Variants in WDFY4 observed in about 807,000 individuals in gnomAD.
WDFY4 encodes WD repeat- and FYVE domain-containing protein 4.
WDFY4 carries 169 observed loss-of-function variants against 351.9 expected under a neutral mutation model. The ratio of observed to expected loss-of-function variants is 0.48; its 90% confidence interval spans 0.42 to 0.55. The LOEUF (loss-of-function observed/expected upper bound fraction) is 0.55. WDFY4 is among the 20% of genes least tolerant of loss of function. The pLI is 0.00. For missense variants in WDFY4, 3,803 were observed against 3,935.6 expected (o/e 0.97, Z 0.90); for synonymous variants, 1,622 against 1,574.6 (o/e 1.03, Z -0.71).
intron 39 of WDFY4, among the ~76,000 whole-genome samples, chr10:48,834,574 T>C (rs1475461341): frequency 6.6e-6 from 1 of 152,176 alleles, no homozygotes; most frequent in African/African-American, 2.4e-5. Context: ...CTTGGAGCAT[T>C]CCCACTTGTG....
intron 24 of WDFY4, among the ~76,000 whole-genome samples, chr10:48,796,855 G>A (rs1476787653): frequency 2.0e-5 from 3 of 152,188 alleles, no homozygotes; most frequent in Admixed American, 6.5e-5. Context: ...CTTGAAAGGG[G>A]TGAGTTAAGG....
At chr10:48,744,343 C>T (rs1034279752) in intron 12 of WDFY4, among the ~76,000 whole-genome samples, 1 of 152,182 alleles carries the variant, frequency 6.6e-6, no homozygotes, top group Non-Finnish European at 1.5e-5. Flanking sequence ...TGCCAGACTT[C>T]AGTGTTGGGG....
At chr10:48,819,717 T>A (rs2067748636) in intron 32 of WDFY4, among the ~76,000 whole-genome samples, 1 of 152,196 alleles carries the variant, frequency 6.6e-6, no homozygotes, top group Non-Finnish European at 1.5e-5. Flanking sequence ...GGAGTCCCAC[T>A]TCTCCACCGT....
chr10:48,811,989 A>AG (rs1358547532), intron 30 of WDFY4, among the ~76,000 whole-genome samples: 1 of 152,050 alleles, frequency 6.6e-6, no homozygotes, highest in Non-Finnish European at 1.5e-5. Flanking sequence ...GGGCACAGCT[A>AG]GGGGAATGAC....
chr10:48,761,535 T>C (rs2065506002), intron 13 of WDFY4, among the ~76,000 whole-genome samples: 1 of 152,132 alleles, frequency 6.6e-6, no homozygotes, highest in Non-Finnish European at 1.5e-5. Flanking sequence ...TCACAGGCTT[T>C]CAGGAAGAGG....
chr10:48,726,781 G>T (rs1239648320), intron 6 of WDFY4, among the ~76,000 whole-genome samples: 1 of 152,228 alleles, frequency 6.6e-6, no homozygotes, highest in Non-Finnish European at 1.5e-5. Context: ...GCTCTCATAG[G>T]TACTTTCTCT....
intron 12 of WDFY4, among the ~76,000 whole-genome samples, chr10:48,754,336 G>T: frequency 6.6e-6 from 1 of 151,192 alleles, no homozygotes; most frequent in East Asian, 1.9e-4. Context: ...CCTACTTCAG[G>T]GCTTTTGCAA....
chr10:48,871,890 TC>T (rs1368765860), intron 40 of WDFY4, among the ~76,000 whole-genome samples: 17 of 152,370 alleles, frequency 1.1e-4, no homozygotes, highest in Admixed American at 1.0e-3. Flanking sequence ...AGGATTAGCT[TC>T]ATTCACAGTG....
intron 24 of WDFY4, among the ~76,000 whole-genome samples, 177 bp downstream of exon 24, chr10:48,796,627 T>C (rs2066885039): frequency 6.6e-6 from 1 of 152,226 alleles, no homozygotes; most frequent in East Asian, 1.9e-4. Context: ...GTGCCACCTA[T>C]GGACTGAGTG....
At chr10:48,913,187 GA>G (rs755723667) in intron 47 of WDFY4, among the ~76,000 whole-genome samples, 15 of 152,166 alleles carry the variant, frequency 9.9e-5, no homozygotes, top group Non-Finnish European at 2.1e-4. Context: ...GCAGAGGACA[GA>G]GAAATGTGTG....
chr10:48,735,164 C>G (rs1378713942), intron 10 of WDFY4, among the ~76,000 whole-genome samples: 1 of 152,082 alleles, frequency 6.6e-6, no homozygotes, highest in Non-Finnish European at 1.5e-5. Flanking sequence ...TGGAAAAATC[C>G]TGTCTGCTCA....
At position 48,822,436 on chromosome 10, in the gene WDFY4, A is replaced by T. The variant is rs1047675132; in HGVS notation, c.5881A>T (p.Ile1961Phe). 3 of 1,551,304 alleles carry T rather than the reference A, an allele frequency of 1.9e-6. No individual in the cohort carries two copies. In the East Asian group the frequency reaches 7.3e-5, roughly 38 times the overall value. ...EAAAAPSLAN[I>F]SCFTQKLVEK... ...TGCTGCTGCCCCTTCTCTTGCCAAC[A>T]TCTCCTGCTTCACCCAGAAGCTGGT... Residue 1961 changes from isoleucine (I) to phenylalanine (F), a missense_variant, in exon 35 of 62, where the codon ATC becomes TTC. Ile to Phe is a conservative substitution (Grantham distance 21). This residue lies in a region of WDFY4 where 3,054 missense variants were observed against 3,148.6 expected (regional missense o/e 0.97). Transcript: ENST00000325239.
At chr10:48,870,922 C>T (rs2069747068) in intron 40 of WDFY4, among the ~76,000 whole-genome samples, 1 of 149,070 alleles carries the variant, frequency 6.7e-6, no homozygotes, top group South Asian at 2.2e-4. Flanking sequence ...TAGGTGGAGA[C>T]TTGGGGTGGA....
In WDFY4 at chr10:48,775,708, TCAGA is replaced by T; in HGVS notation, c.2769_2772del (p.Arg923SerfsTer3). On this transcript the variant is annotated splice_acceptor_variant and splice_polypyrimidine_tract_variant and coding_sequence_variant and intron_variant, in exon 15 of 62. Coordinates refer to ENST00000325239, the MANE Select transcript of WDFY4 (RefSeq NM_001394531.1). LOFTEE classifies it high-confidence loss of function. ...CATTTTTTCCTCTTGTATGTTATGT[TCAGA>T]CAGTTTCTAGGTCTTGGAATTCCCT... 6.4e-7 allele frequency: 1 copy of T among 1,551,346 alleles called. No homozygotes were observed. Among genetic ancestry groups the T allele is most frequent in the Non-Finnish European group, 8.7e-7 (1 of 1,146,668 alleles).
chr10:48,906,441 C>G (rs920279657), intron 47 of WDFY4, among the ~76,000 whole-genome samples: 3 of 152,212 alleles, frequency 2.0e-5, no homozygotes, highest in African/African-American at 7.2e-5. Context: ...CTGCGTGAAT[C>G]CTGTCCCAAT....
chr10:48,861,488 T>G (rs976590247), intron 39 of WDFY4, among the ~76,000 whole-genome samples: 3 of 152,216 alleles, frequency 2.0e-5, no homozygotes, highest in African/African-American at 7.2e-5. Context: ...TTGACAGTTC[T>G]TTATTTTCAG....
At chr10:48,789,520 G>A (rs943764052) in intron 21 of WDFY4, among the ~76,000 whole-genome samples, 9 of 152,208 alleles carry the variant, frequency 5.9e-5, no homozygotes, top group African/African-American at 2.2e-4. Flanking sequence ...AACAACCCTA[G>A]TCTGAGAAGG....
At chr10:48,881,176 C>T (rs1023507362) in intron 43 of WDFY4, among the ~76,000 whole-genome samples, 2 of 152,114 alleles carry the variant, frequency 1.3e-5, no homozygotes, top group African/African-American at 2.4e-5. Context: ...CTGGCTGTTG[C>T]TGTTCCTTTC....
At chr10:48,947,664 T>C (rs1004690459) in intron 51 of WDFY4, among the ~76,000 whole-genome samples, 1 of 152,182 alleles carries the variant, frequency 6.6e-6, no homozygotes, top group African/African-American at 2.4e-5. Context: ...TCATGGGCAG[T>C]GCTGTGAGGG....
Sources: gnomAD v4.1 joint callset for allele counts (sites outside exome capture counted in the v4.1 genomes callset) on GRCh38, gnomAD v4.1.1 for gene constraint, gnomAD v4.1.1 regional missense constraint, MANE v1.5 for transcripts, NCBI Gene and HGNC (gene_info 2026-07-23, HGNC 2026-07-21) for gene names.